SBF2: variants seen among roughly 807,000 people sequenced by gnomAD.
SBF2 encodes myotubularin-related protein 13.
Under a neutral mutation model 225.2 loss-of-function variants are expected in SBF2, and 112 were observed. That is an observed-to-expected ratio of 0.50 (90% CI 0.43 to 0.58). The LOEUF is 0.58. SBF2 is among the 20% of genes least tolerant of loss of function. SBF2 has a pLI of 0.00. For synonymous variants in SBF2, 763 were observed against 773.3 expected (o/e 0.99, Z 0.22); for missense variants, 1,996 against 2,206.2 (o/e 0.90, Z 1.91).
chr11:9,883,964 A>G (rs902651785), intron 17 of SBF2, among the ~76,000 whole-genome samples: 10 of 152,188 alleles, frequency 6.6e-5, no homozygotes, highest in African/African-American at 2.4e-4. Flanking sequence ...GCTGTATTAG[A>G]CATCATCAGC....
chr11:10,080,739 T>G (rs568072633), intron 2 of SBF2, among the ~76,000 whole-genome samples: 3 of 151,978 alleles, frequency 2.0e-5, no homozygotes, highest in Admixed American at 1.3e-4. Flanking sequence ...CATAAAGACA[T>G]GTACAGACTG....
chr11:10,074,174 T>C lies in SBF2; in HGVS notation c.142-31193A>G, dbSNP rs143842426. Among the ~76,000 whole-genome samples, 273 of 152,294 alleles carry C rather than the reference T, an allele frequency of 1.8e-3. 1 individual carries two copies. The highest frequency in any genetic ancestry group is 6.3e-3 in the African/African-American group (260 of 41,574). The stretch of plus-strand genomic sequence containing the variant: ...AGAAAGAGTGACCCAGAGTTAACGA[T>C]TGCTGTAGTTGTATGATGAGTACAT... On this transcript the variant is annotated intron_variant, in intron 2 of 39. Coordinates refer to ENST00000256190, the MANE Select transcript of SBF2 (RefSeq NM_030962.4).
At chr11:10,210,506 T>A (rs1758637959) in intron 1 of SBF2, among the ~76,000 whole-genome samples, 1 of 152,144 alleles carries the variant, frequency 6.6e-6, no homozygotes, top group Non-Finnish European at 1.5e-5. Flanking sequence ...TCTCTTAGTC[T>A]CTTAGACAAT....
chr11:9,872,016 A>G (rs559731491), intron 17 of SBF2, among the ~76,000 whole-genome samples: 1 of 152,354 alleles, frequency 6.6e-6, no homozygotes, highest in South Asian at 2.1e-4. Context: ...AGATACATGC[A>G]TGCATATGTT....
At chr11:10,106,555 C>T (rs1430667903) in intron 2 of SBF2, among the ~76,000 whole-genome samples, 1 of 150,638 alleles carries the variant, frequency 6.6e-6, no homozygotes, top group African/African-American at 2.4e-5. Flanking sequence ...CTTGAACCCG[C>T]GCAGCAGAGG....
chr11:9,828,031 C>G (rs1855167980), intron 28 of SBF2: 7 of 666,386 alleles, frequency 1.1e-5, no homozygotes, highest in Non-Finnish European at 1.5e-5. Flanking sequence ...CAATTTGAAT[C>G]ATAATTAATT....
At chr11:10,119,250 T>C (rs7924499) in intron 2 of SBF2, among the ~76,000 whole-genome samples, 78,782 of 151,810 alleles carry the variant, frequency 0.52, 20,841 homozygotes, top group Admixed American at 0.61. Context: ...TCTTAGTACT[T>C]CCTGTTCCGC....
At chr11:9,809,263 C>A (rs770220261) in intron 30 of SBF2, 3 of 395,850 alleles carry the variant, frequency 7.6e-6, no homozygotes, top group African/African-American at 6.2e-5. Flanking sequence ...GTTCGGAGTT[C>A]GAGACCAGCC....
rs548459247 is a variant in SBF2 at position 9,894,568 on chromosome 11, C to G, written c.1929+1375G>C. ...GTGTGGTGGTGTGTGCCTGTAGTTCCAGCTACTTGGGAGGCTGAGATGGGA... is the reference window on the plus strand; with the variant it reads ...GTGTGGTGGTGTGTGCCTGTAGTTCGAGCTACTTGGGAGGCTGAGATGGGA... On this transcript the variant is annotated intron_variant, in intron 17 of 39. Coordinates refer to ENST00000256190, the MANE Select transcript of SBF2 (RefSeq NM_030962.4). Among the ~76,000 whole-genome samples, 3 of 151,958 alleles carry G rather than the reference C, an allele frequency of 2.0e-5. No individual in the cohort carries two copies. The South Asian group carries it at 6.2e-4, about 32-fold the overall frequency.
At chr11:10,097,994 G>A (rs531600956) in intron 2 of SBF2, among the ~76,000 whole-genome samples, 4 of 151,950 alleles carry the variant, frequency 2.6e-5, no homozygotes, top group Admixed American at 6.6e-5. Context: ...GGCACAGAAC[G>A]CAACAAAGCA....
intron 13 of SBF2, among the ~76,000 whole-genome samples, chr11:9,987,246 A>G (rs1219002376): frequency 6.6e-6 from 1 of 152,194 alleles, no homozygotes; most frequent in African/African-American, 2.4e-5. Flanking sequence ...TAAAGCTCTC[A>G]GCAGAACTGG....
intron 2 of SBF2, among the ~76,000 whole-genome samples, chr11:10,087,869 T>C (rs761195857): frequency 1.1e-4 from 16 of 152,200 alleles, no homozygotes; most frequent in Non-Finnish European, 1.9e-4. Context: ...TGAATTGAAT[T>C]GGTATTTTGA....
chr11:9,943,286 A>G (rs543084797), intron 16 of SBF2, among the ~76,000 whole-genome samples: 1 of 152,206 alleles, frequency 6.6e-6, no homozygotes, highest in African/African-American at 2.4e-5. Flanking sequence ...ACATTTTAAG[A>G]GAGTATGAGA....
intron 1 of SBF2, among the ~76,000 whole-genome samples, chr11:10,244,200 C>T (rs981290068): frequency 1.1e-4 from 17 of 152,262 alleles, no homozygotes; most frequent in Admixed American, 1.1e-3. Context: ...GAAATCATTG[C>T]CAAGGCTAAT....
intron 1 of SBF2, among the ~76,000 whole-genome samples, chr11:10,198,059 G>A (rs965266433): frequency 5.3e-5 from 8 of 152,018 alleles, no homozygotes; most frequent in African/African-American, 1.7e-4. Flanking sequence ...CGGTTAATAG[G>A]TTCATATTTT....
At chr11:10,166,989 A>ACACACACACACACAC (rs34539770) in intron 2 of SBF2, among the ~76,000 whole-genome samples, 4 of 151,374 alleles carry the variant, frequency 2.6e-5, no homozygotes, top group East Asian at 1.9e-4. Flanking sequence ...ACACACACAC[A>ACACACACACACACAC]AAAAGGCTAC....
chr11:9,930,009 A>G (rs1310775894), intron 16 of SBF2, among the ~76,000 whole-genome samples: 2 of 152,128 alleles, frequency 1.3e-5, no homozygotes, highest in Non-Finnish European at 2.9e-5. Context: ...TGGGGGTGGG[A>G]GAGCATTACG....
chr11:9,855,971 G>A (rs1398731051), intron 19 of SBF2, among the ~76,000 whole-genome samples: 11 of 152,232 alleles, frequency 7.2e-5, no homozygotes, highest in African/African-American at 2.7e-4. Context: ...GGTCAGAGCA[G>A]TAGCCAGAGG....
intron 16 of SBF2, among the ~76,000 whole-genome samples, chr11:9,932,317 G>A (rs1450655363): frequency 1.3e-5 from 2 of 152,086 alleles, no homozygotes; most frequent in Non-Finnish European, 1.5e-5. Flanking sequence ...GCAACCCCAA[G>A]ACACAGAATT....
Sources: allele counts gnomAD v4.1 joint callset (sites outside exome capture counted in the v4.1 genomes callset), GRCh38; gene constraint gnomAD v4.1.1; transcripts MANE v1.5; gene names NCBI Gene and HGNC (gene_info 2026-07-23, HGNC 2026-07-21).